Variants in CD96 observed in about 807,000 individuals in gnomAD.
CD96 encodes the protein T-cell surface protein tactile.
Under a neutral mutation model 71.3 loss-of-function variants are expected in CD96, and 70 were observed. The ratio of observed to expected loss-of-function variants is 0.98; its 90% CI spans 0.81 to 1.20. The LOEUF (loss-of-function observed/expected upper bound fraction) is 1.20, where lower values mean the gene tolerates loss of function less well. Among genes scored for constraint, CD96 ranks in the 50% most tolerant of loss-of-function variants. The pLI, the probability that CD96 is intolerant of heterozygous loss-of-function variation, is 0.00. For missense variants in CD96, 742 were observed against 677.5 expected (o/e 1.10, Z -1.06); for synonymous variants, 248 against 233.0 (o/e 1.06, Z -0.59).
At chr3:111,574,671 T>G (rs1251855176) in intron 3 of CD96, among the ~76,000 whole-genome samples, 1 of 152,216 alleles carries the variant, frequency 6.6e-6, no homozygotes, top group East Asian at 1.9e-4. Flanking sequence ...TTTGTTTCTT[T>G]TCTGTGGCTC....
In CD96 at chr3:111,624,472, C is replaced by T. The variant is rs76492562; in HGVS notation, c.1321+68C>T. 7.5e-3 allele frequency: 6,539 copies of T among 872,448 alleles called. 299 individuals carry two copies. In the African/African-American group the frequency reaches 0.095, roughly 13 times the overall value. 54.0% of individuals were successfully genotyped at this position (872,448 alleles called of 1,614,324 possible). ...TCATTCATCCGACAGATATATTGAA[C>T]GACATCTATGTGCTTTGTTTGTAAT... On this transcript the variant is annotated intron_variant, in intron 10 of 13. Transcript: ENST00000352690.
chr3:111,552,260 A>G (rs930288566), intron 2 of CD96, among the ~76,000 whole-genome samples: 1 of 152,034 alleles, frequency 6.6e-6, no homozygotes. Flanking sequence ...GTGGCAATAT[A>G]AAAATGTGTG....
intron 4 of CD96, 60 bp from the exon 5 acceptor site, chr3:111,585,263 C>A: frequency 2.1e-6 from 2 of 934,368 alleles, no homozygotes; most frequent in Non-Finnish European, 3.6e-6. Context: ...CACATACACA[C>A]ACTAGTGGCC....
At chr3:111,566,957 C>A (rs1431586337) in intron 2 of CD96, among the ~76,000 whole-genome samples, 1 of 151,988 alleles carries the variant, frequency 6.6e-6, no homozygotes, top group Non-Finnish European at 1.5e-5. Context: ...TAAGAGTAAA[C>A]CCTAATGTAA....
At chr3:111,655,800 A>G (rs1311941101), downstream of CD96, among the ~76,000 whole-genome samples, 2 of 152,010 alleles carry the variant, frequency 1.3e-5, no homozygotes, top group African/African-American at 2.4e-5. Context: ...TTTCTTAACT[A>G]CATATATACA....
intron 10 of CD96, among the ~76,000 whole-genome samples, chr3:111,632,361 G>GA (rs1016308029): frequency 4.6e-5 from 7 of 151,712 alleles, no homozygotes; most frequent in South Asian, 2.1e-4. Flanking sequence ...CCAGAAACAT[G>GA]AAAAAAAAGC....
intron 8 of CD96, among the ~76,000 whole-genome samples, chr3:111,610,806 TGAG>T (rs1196341896): frequency 6.6e-6 from 1 of 152,134 alleles, no homozygotes; most frequent in Non-Finnish European, 1.5e-5. Flanking sequence ...TCCGTCGCCT[TGAG>T]GAGAGAGCCC....
rs925273885 is a variant in CD96 at position 111,651,450 on chromosome 3, G to A, written c.*1644G>A. On this transcript the variant is annotated 3_prime_UTR_variant, in exon 14 of 14. Coordinates refer to ENST00000352690, the MANE Select transcript of CD96 (RefSeq NM_005816.5). ...GAGTACCACTCTCACCATTGGTATA[G>A]CCAAAAAAGCTTGGAAGTGACCAAG... is the stretch of plus-strand genomic sequence containing the variant. 1 of 152,200 alleles carries A rather than the reference G, an allele frequency of 6.6e-6. No homozygotes were observed. The highest frequency in any genetic ancestry group is 2.4e-5 in the African/African-American group (1 of 41,440). 9.4% of individuals were successfully genotyped at this position (152,200 alleles called of 1,614,324 possible).
At chr3:111,556,206 CT>C (rs58058802) in intron 2 of CD96, among the ~76,000 whole-genome samples, 20,572 of 150,840 alleles carry the variant, frequency 0.14, 975 homozygotes, top group African/African-American at 0.19. Context: ...ATAACAACTT[CT>C]TTTTTTTTTA....
chr3:111,545,182 C>A lies in CD96; in HGVS notation c.198C>A (p.Asp66Glu), dbSNP rs1371357912. Residue 66 changes from aspartate to glutamate, a missense_variant, in exon 2 of 14, where the codon GAC (aspartate) becomes GAA (glutamate). By Grantham distance (45) the Asp-to-Glu change is conservative. Transcript: ENST00000352690. Reference sequence around the variant, plus strand: ...GGTCCAAGGTCACCAATAAGATAGACCTGATTGCTGTCTATCATCCCCAAT... The same window carrying A: ...GGTCCAAGGTCACCAATAAGATAGAACTGATTGCTGTCTATCATCCCCAAT... ...MQWSKVTNKI[D>E]LIAVYHPQYG... 6.2e-7 allele frequency: 1 copy of A among 1,614,178 alleles called. No individual in the cohort carries two copies. Among genetic ancestry groups the A allele is most frequent in the Non-Finnish European group, 8.5e-7 (1 of 1,180,008 alleles).
intron 13 of CD96, among the ~76,000 whole-genome samples, 197 bp from the exon 14 acceptor site, chr3:111,649,501 T>A (rs1380219117): frequency 1.3e-5 from 2 of 152,222 alleles, no homozygotes; most frequent in African/African-American, 4.8e-5. Flanking sequence ...AACTACAAAA[T>A]ACCGTATAGA....
At chr3:111,617,720 G>T (rs751627614) in intron 8 of CD96, among the ~76,000 whole-genome samples, 3 of 152,166 alleles carry the variant, frequency 2.0e-5, no homozygotes, top group Non-Finnish European at 4.4e-5. Context: ...AGCATACCTC[G>T]TTCTTCTTGG....
chr3:111,596,046 C>A (rs1031928047), intron 5 of CD96, among the ~76,000 whole-genome samples: 5 of 152,064 alleles, frequency 3.3e-5, no homozygotes, highest in African/African-American at 1.2e-4. Flanking sequence ...CCTGTAATCC[C>A]AGCTACTTGG....
intron 7 of CD96, among the ~76,000 whole-genome samples, chr3:111,606,306 G>T (rs1407980292): frequency 1.3e-5 from 2 of 152,172 alleles, no homozygotes; most frequent in African/African-American, 4.8e-5. Flanking sequence ...TTTGTAAACT[G>T]CATGATTACT....
In CD96 at chr3:111,661,195, G is replaced by A. The variant is rs533629747; in HGVS notation, c.*53-4332G>A. Among the ~76,000 whole-genome samples the A allele has an allele frequency of 9.2e-5, 14 of 152,250 alleles. No individual in the cohort carries two copies. The East Asian group carries it at 1.9e-3, about 21-fold the overall frequency. On this transcript the variant is annotated intron_variant and NMD_transcript_variant, in intron 14 of 14. Coordinates refer to the CD96 transcript ENST00000494798. ...CTTTTAAAAAACAACAAGATCTCAT[G>A]AGAACTCACTCACTGTCCTGGGAAC...
chr3:111,631,791 T>C (rs950753157), intron 10 of CD96, among the ~76,000 whole-genome samples: 4 of 152,054 alleles, frequency 2.6e-5, no homozygotes, highest in South Asian at 4.1e-4. Context: ...CATAGACGAA[T>C]AGAACAGAAT....
At chr3:111,546,543 C>T (rs926197240) in intron 2 of CD96, among the ~76,000 whole-genome samples, 1 of 152,100 alleles carries the variant, frequency 6.6e-6, no homozygotes, top group Admixed American at 6.6e-5. Flanking sequence ...ATAATAATGC[C>T]TGCCCTAAAT....
chr3:111,607,876 G>C (rs146274820), intron 8 of CD96, among the ~76,000 whole-genome samples: 7 of 151,852 alleles, frequency 4.6e-5, no homozygotes, highest in African/African-American at 1.7e-4. Context: ...TTAACTCACT[G>C]CCGGTTAATC....
chr3:111,585,380 T>A lies in CD96; in HGVS notation c.807+2T>A, dbSNP rs1936663634. 1 of 1,594,164 alleles carries A rather than the reference T, an allele frequency of 6.3e-7. No individual in the cohort carries two copies. The highest frequency in any genetic ancestry group is 8.6e-7 in the Non-Finnish European group (1 of 1,162,162). ...AACTCCACGGATGTCTTGGTAGAGG[T>A]GAGTCACATAAAAGCCTTTGAAAAT... is the stretch of plus-strand genomic sequence containing the variant. On this transcript the variant is annotated splice_donor_variant, in intron 5 of 13. Transcript: ENST00000352690. LOFTEE classifies it high-confidence loss of function.
Sources: allele counts gnomAD v4.1 joint callset (sites outside exome capture counted in the v4.1 genomes callset), GRCh38; gene constraint gnomAD v4.1.1; transcripts MANE v1.5; gene names NCBI Gene and HGNC (gene_info 2026-07-23, HGNC 2026-07-21).